The following FKBP5 variants were observed in gnomAD, a reference collection of about 807,000 sequenced individuals.
FKBP5 encodes the protein FKBP prolyl isomerase 5, also known as peptidyl-prolyl cis-trans isomerase FKBP5.
Under a neutral mutation model 50.5 loss-of-function variants are expected in FKBP5, and 23 were observed. The observed-to-expected ratio is 0.46, with a 90% CI of 0.33 to 0.65. The LOEUF is 0.65. Ranked by LOEUF, FKBP5 falls within the 30% of genes least tolerant of loss-of-function variation. FKBP5 has a pLI of 0.02. For synonymous variants in FKBP5, 176 were observed against 190.6 expected (o/e 0.92, Z 0.63); for missense variants, 411 against 553.1 (o/e 0.74, Z 2.58).
At chr6:35,610,062 A>C (rs1184483012) in intron 5 of FKBP5, among the ~76,000 whole-genome samples, 1 of 152,188 alleles carries the variant, frequency 6.6e-6, no homozygotes, top group Non-Finnish European at 1.5e-5. Context: ...TTTTCTAAGC[A>C]GTTGGATATG....
intron 5 of FKBP5, among the ~76,000 whole-genome samples, chr6:35,599,996 C>T (rs1296694624): frequency 6.6e-6 from 1 of 152,196 alleles, no homozygotes. Context: ...GAACAGCCTA[C>T]TATAACCTCG....
chr6:35,673,877 G>A (rs1224791987), intron 1 of FKBP5, among the ~76,000 whole-genome samples: 1 of 152,154 alleles, frequency 6.6e-6, no homozygotes, highest in Non-Finnish European at 1.5e-5. Flanking sequence ...ACTGAGATGA[G>A]AGTATAAAAC....
chr6:35,708,026 T>C (rs1279574337), intron 2 of FKBP5, among the ~76,000 whole-genome samples: 2 of 152,192 alleles, frequency 1.3e-5, no homozygotes, highest in Admixed American at 1.3e-4. Context: ...AAAATATTAT[T>C]GGTAAGAGCA....
intron 2 of FKBP5, among the ~76,000 whole-genome samples, chr6:35,701,850 G>T (rs557645910): frequency 1.3e-5 from 2 of 148,828 alleles, no homozygotes; most frequent in East Asian, 4.0e-4. Context: ...CAGGAATGCC[G>T]TATTTTTTTT....
chr6:35,581,030 G>A (rs989676532), intron 8 of FKBP5: 65 of 976,266 alleles, frequency 6.7e-5, no homozygotes, highest in Middle Eastern at 5.2e-4. Flanking sequence ...CATTTGTAGT[G>A]CAAAAGCTGC....
intron 1 of FKBP5, chr6:35,720,552 GA>G (rs1484538209): frequency 6.6e-6 from 1 of 152,330 alleles, no homozygotes; most frequent in Non-Finnish European, 1.5e-5. Context: ...AATTTCCCTG[GA>G]AACAGGAAGT....
At chr6:35,635,918 A>C in intron 3 of FKBP5, among the ~76,000 whole-genome samples, 1 of 152,222 alleles carries the variant, frequency 6.6e-6, no homozygotes, top group Non-Finnish European at 1.5e-5. Flanking sequence ...GATAATTGTG[A>C]ATATAATTAT....
chr6:35,611,090 C>G (rs923512637), intron 5 of FKBP5, among the ~76,000 whole-genome samples: 1 of 152,186 alleles, frequency 6.6e-6, no homozygotes, highest in Non-Finnish European at 1.5e-5. Context: ...TGTACCTCTG[C>G]TTAAGTCCTC....
chr6:35,705,245 TATATATATA>T (rs1766281060), intron 2 of FKBP5, among the ~76,000 whole-genome samples: 3 of 3,268 alleles, frequency 9.2e-4, no homozygotes, highest in Admixed American at 7.2e-3. Context: ...TATATATATA[TATATATATA>T]TATATTTTTT....
intron 3 of FKBP5, among the ~76,000 whole-genome samples, chr6:35,626,132 CA>C (rs1561864543): frequency 6.6e-6 from 1 of 152,110 alleles, no homozygotes; most frequent in Non-Finnish European, 1.5e-5. Context: ...AGCTTATACA[CA>C]ATTTATCAAT....
At chr6:35,580,526 C>CTTTTTTT (rs34594222) in intron 8 of FKBP5, 7 of 54,670 alleles carry the variant, frequency 1.3e-4, no homozygotes, top group Admixed American at 3.3e-4. Context: ...ATTCTTTAGT[C>CTTTTTTT]TTTTTTTTTT....
At chr6:35,583,254 A>G in intron 8 of FKBP5, 1 of 985,392 alleles carries the variant, frequency 1.0e-6, no homozygotes, top group African/African-American at 1.7e-5. Context: ...TAATGCATTG[A>G]TTAACTTAAC....
At chr6:35,708,639 G>A (rs1182313507) in intron 2 of FKBP5, among the ~76,000 whole-genome samples, 2 of 151,990 alleles carry the variant, frequency 1.3e-5, no homozygotes, top group Admixed American at 6.6e-5. Flanking sequence ...TTGTGCCCCA[G>A]TATCCATTCT....
intron 2 of FKBP5, among the ~76,000 whole-genome samples, chr6:35,704,704 A>G (rs1480063470): frequency 9.2e-6 from 1 of 108,698 alleles, no homozygotes; most frequent in Non-Finnish European, 1.8e-5. Flanking sequence ...CCCAATGACA[A>G]TATGATTTTT....
rs540714563 is a variant in FKBP5, at chr6:35,647,207, G to C, written c.-19-4364C>G. On this transcript the variant is annotated intron_variant, in intron 1 of 10. Transcript: ENST00000357266. ...ATTACTGTTTTCAAGTAAGCAGAAA[G>C]CAAAGGATTATATTAAAACAAACAA... Among the ~76,000 whole-genome samples the C allele has an allele frequency of 1.1e-4, 16 of 152,206 alleles. No homozygotes were observed. The East Asian group carries it at 3.1e-3, about 29-fold the overall frequency.
chr6:35,577,635 G>A (rs368343405), intron 9 of FKBP5, among the ~76,000 whole-genome samples: 12 of 152,220 alleles, frequency 7.9e-5, no homozygotes, highest in Admixed American at 2.0e-4. Flanking sequence ...GGAACAGAAC[G>A]AATCATTCAG....
intron 1 of FKBP5, among the ~76,000 whole-genome samples, chr6:35,685,906 C>T (rs1765810459): frequency 6.9e-6 from 1 of 145,556 alleles, no homozygotes; most frequent in Non-Finnish European, 1.5e-5. Flanking sequence ...CGCTTGAACC[C>T]GGGAGGCAGA....
upstream of FKBP5, among the ~76,000 whole-genome samples, chr6:35,690,842 A>C (rs1365947189): frequency 6.6e-6 from 1 of 151,854 alleles, no homozygotes; most frequent in Non-Finnish European, 1.5e-5. Context: ...CCCCATCTTT[A>C]CTAAAAATAC....
chr6:35,725,470 C>T (rs186319613), intron 1 of FKBP5, among the ~76,000 whole-genome samples: 1 of 152,250 alleles, frequency 6.6e-6, no homozygotes. Context: ...GACTCCACAG[C>T]TTTAGAGGCA....
Sources: gnomAD v4.1 joint callset for allele counts (sites outside exome capture counted in the v4.1 genomes callset) on GRCh38, gnomAD v4.1.1 for gene constraint, MANE v1.5 for transcripts, NCBI Gene and HGNC (gene_info 2026-07-23, HGNC 2026-07-21) for gene names.